The following DRC8 variants were observed in gnomAD, a reference collection of about 807,000 sequenced individuals.
DRC8 encodes dynein regulatory complex subunit 8.
chr1:245,014,212 A>G, the DRC8 span, among the ~76,000 whole-genome samples: 1 of 152,092 alleles, frequency 6.6e-6, no homozygotes, highest in African/African-American at 2.4e-5. Context: ...AACAAGTTCA[A>G]ACAACTGACC....
chr1:245,015,258 G>A, the DRC8 span, among the ~76,000 whole-genome samples: 1 of 152,124 alleles, frequency 6.6e-6, no homozygotes, highest in Admixed American at 6.5e-5. Flanking sequence ...CTATAGGCAT[G>A]AGCTCCCATG....
At chr1:245,107,656 C>T in the DRC8 span, among the ~76,000 whole-genome samples, 7 of 152,188 alleles carry the variant, frequency 4.6e-5, no homozygotes, top group East Asian at 1.9e-4. Flanking sequence ...GGCAGGGGCT[C>T]CTCCTCCACG....
chr1:245,084,650 T>C, the DRC8 span, among the ~76,000 whole-genome samples: 1 of 152,172 alleles, frequency 6.6e-6, no homozygotes, highest in Non-Finnish European at 1.5e-5. Flanking sequence ...ACCATCCTCA[T>C]ATTGGTCCCC....
chr1:245,030,443 A>G, the DRC8 span, among the ~76,000 whole-genome samples: 5 of 152,252 alleles, frequency 3.3e-5, no homozygotes, highest in Non-Finnish European at 7.3e-5. Context: ...TGCAAATACT[A>G]TGCCATTTAA....
the DRC8 span, chr1:244,970,044 G>T: frequency 1.6e-6 from 1 of 623,192 alleles, no homozygotes; most frequent in Non-Finnish European, 2.9e-6. Context: ...GGGGCGAGGG[G>T]TGTGTGCGCG....
chr1:245,121,629 C>T, the DRC8 span, among the ~76,000 whole-genome samples: 2 of 152,176 alleles, frequency 1.3e-5, no homozygotes, highest in Non-Finnish European at 2.9e-5. Context: ...CAGTGCTGCA[C>T]CTCTACTACC....
the DRC8 span, among the ~76,000 whole-genome samples, chr1:245,029,086 C>T: frequency 6.6e-6 from 1 of 152,174 alleles, no homozygotes; most frequent in Non-Finnish European, 1.5e-5. Context: ...TATTGGAGGA[C>T]ATCACAAAGG....
At chr1:245,014,106 A>AT in the DRC8 span, among the ~76,000 whole-genome samples, 1 of 151,434 alleles carries the variant, frequency 6.6e-6, no homozygotes, top group Non-Finnish European at 1.5e-5. Flanking sequence ...ATTTGAAGTG[A>AT]TTTTAACTTA....
At chr1:245,014,031 CAAAA>C in the DRC8 span, among the ~76,000 whole-genome samples, 1 of 93,150 alleles carries the variant, frequency 1.1e-5, no homozygotes, top group African/African-American at 4.4e-5. Context: ...GACTCCATCT[CAAAA>C]AAAAAAAAAA....
At chr1:245,076,741 T>G in the DRC8 span, among the ~76,000 whole-genome samples, 6 of 151,986 alleles carry the variant, frequency 3.9e-5, no homozygotes, top group African/African-American at 1.2e-4. Context: ...TTTTTTGGTT[T>G]GTTTGTGTTT....
chr1:245,011,187 A>G, the DRC8 span, among the ~76,000 whole-genome samples: 1 of 152,186 alleles, frequency 6.6e-6, no homozygotes, highest in Non-Finnish European at 1.5e-5. Flanking sequence ...TTTGTAGATG[A>G]AACAAAGTTT....
the DRC8 span, among the ~76,000 whole-genome samples, chr1:244,981,093 G>T: frequency 1.3e-5 from 2 of 152,020 alleles, no homozygotes; most frequent in Non-Finnish European, 2.9e-5. Flanking sequence ...TGAGGCAGGA[G>T]AATCGCTTGA....
chr1:244,971,802 T>C, the DRC8 span, among the ~76,000 whole-genome samples: 1 of 152,196 alleles, frequency 6.6e-6, no homozygotes, highest in African/African-American at 2.4e-5. Flanking sequence ...GATCTCTCTA[T>C]TGATAACAAG....
chr1:245,000,702 AC>A, the DRC8 span, among the ~76,000 whole-genome samples: 1 of 151,678 alleles, frequency 6.6e-6, no homozygotes, highest in African/African-American at 2.4e-5. Context: ...AATGGCGTGA[AC>A]CCTGGAGGCG....
chr1:245,085,736 A>G, the DRC8 span, among the ~76,000 whole-genome samples: 1 of 152,178 alleles, frequency 6.6e-6, no homozygotes, highest in Non-Finnish European at 1.5e-5. Flanking sequence ...GGTTTGTTAG[A>G]TGCATAAGAA....
chr1:245,050,467 T>G, the DRC8 span, among the ~76,000 whole-genome samples: 43,303 of 152,000 alleles, frequency 0.28, 6,393 homozygotes, highest in Middle Eastern at 0.35. Context: ...ATTTCCCTAG[T>G]GCTGAGGGGG....
At chr1:245,111,864 C>T in the DRC8 span, among the ~76,000 whole-genome samples, 3 of 151,902 alleles carry the variant, frequency 2.0e-5, no homozygotes, top group South Asian at 2.1e-4. Context: ...AGTGAGACTC[C>T]GTGTCTATAC....
chr1:245,093,714 A>G, the DRC8 span, among the ~76,000 whole-genome samples: 5 of 144,764 alleles, frequency 3.5e-5, no homozygotes, highest in South Asian at 1.1e-3. Context: ...AAAAAAAAAG[A>G]AAGAAAAAGA....
At chr1:244,991,505 T>C in the DRC8 span, among the ~76,000 whole-genome samples, 1 of 152,166 alleles carries the variant, frequency 6.6e-6, no homozygotes, top group African/African-American at 2.4e-5. Context: ...AGTCAGAATT[T>C]TTGGCAGATA....
Sources: allele counts gnomAD v4.1 joint callset (sites outside exome capture counted in the v4.1 genomes callset), GRCh38; gene constraint gnomAD v4.1.1; transcripts MANE v1.5; gene names NCBI Gene and HGNC (gene_info 2026-07-23, HGNC 2026-07-21).